COPS7B: variants seen among roughly 807,000 people sequenced by gnomAD.
COPS7B encodes the protein COP9 signalosome subunit 7B.
COPS7B carries 9 observed loss-of-function variants against 33.4 expected under a neutral mutation model. The observed-to-expected ratio is 0.27, with a 90% CI of 0.16 to 0.47. The LOEUF (loss-of-function observed/expected upper bound fraction) is 0.47, where lower values mean the gene tolerates loss of function less well. Ranked by LOEUF, COPS7B falls within the 20% of genes least tolerant of loss-of-function variation. COPS7B has a pLI of 0.99. For synonymous variants in COPS7B, 119 were observed against 126.3 expected (o/e 0.94, Z 0.39); for missense variants, 242 against 318.2 (o/e 0.76, Z 1.82).
intron 3 of COPS7B, among the ~76,000 whole-genome samples, chr2:231,793,324 A>G (rs1574660944): frequency 6.6e-6 from 1 of 152,228 alleles, no homozygotes; most frequent in African/African-American, 2.4e-5. Context: ...TACAGGTTAG[A>G]AATTCCCACC....
At chr2:231,786,351 G>T, upstream of COPS7B, 1 of 769,484 alleles carries the variant, frequency 1.3e-6, no homozygotes, top group Non-Finnish European at 1.6e-6. Context: ...AAACGCGGCG[G>T]GTGGAACCTT....
Position 231,808,790 on chromosome 2 carries a change from T to A in COPS7B, c.*1145T>A. On this transcript the variant is annotated 3_prime_UTR_variant, in exon 7 of 7. Coordinates refer to ENST00000350033, the MANE Select transcript of COPS7B (RefSeq NM_022730.4). ...TTTTCACCTGGTTGGAGGGTGGGGG[T>A]GGGGTGGGGTGTGTGTGTGTGTGTG... 1 of 9,642 alleles carries A rather than the reference T, an allele frequency of 1.0e-4. No homozygotes were observed. The highest frequency in any genetic ancestry group is 2.9e-3 in the East Asian group (1 of 348). The allele number at this position is 9,642 out of a possible 1,614,324, so 0.6% of individuals were successfully genotyped here.
intron 6 of COPS7B, chr2:231,801,073 G>T: frequency 3.8e-6 from 5 of 1,326,398 alleles, no homozygotes; most frequent in Non-Finnish European, 5.3e-6. Context: ...GTTACCCTTG[G>T]CCTAACTTTT....
chr2:231,783,310 G>A, upstream of COPS7B, among the ~76,000 whole-genome samples: 1 of 152,150 alleles, frequency 6.6e-6, no homozygotes, highest in Non-Finnish European at 1.5e-5. Context: ...TAGTGTGTAG[G>A]GAGGGTATGC....
At chr2:231,800,248 A>G (rs1367268253) in intron 6 of COPS7B, among the ~76,000 whole-genome samples, 1 of 152,252 alleles carries the variant, frequency 6.6e-6, no homozygotes, top group Non-Finnish European at 1.5e-5. Context: ...TGGGCAAGGA[A>G]GTGTTAACTA....
At chr2:231,804,643 G>T (rs1046360471) in intron 6 of COPS7B, among the ~76,000 whole-genome samples, 1 of 151,856 alleles carries the variant, frequency 6.6e-6, no homozygotes. Flanking sequence ...AATTTTTTTT[G>T]GTTTTGTTTT....
At chr2:231,806,508 G>A (rs2049897622) in intron 6 of COPS7B, among the ~76,000 whole-genome samples, 4 of 148,294 alleles carry the variant, frequency 2.7e-5, no homozygotes. Flanking sequence ...AGCTGTGATT[G>A]TGCCACTATA....
intron 6 of COPS7B, among the ~76,000 whole-genome samples, chr2:231,806,611 C>T (rs1335566515): frequency 6.6e-6 from 1 of 151,832 alleles, no homozygotes; most frequent in Non-Finnish European, 1.5e-5. Context: ...CACTGTTCTT[C>T]CCTACCACCA....
chr2:231,784,054 G>A (rs2049184223), upstream of COPS7B, among the ~76,000 whole-genome samples: 1 of 151,168 alleles, frequency 6.6e-6, no homozygotes, highest in Non-Finnish European at 1.5e-5. Context: ...AAAAGAGCAA[G>A]CTTGAGCATA....
At chr2:231,805,192 C>G (rs2049855277) in intron 6 of COPS7B, among the ~76,000 whole-genome samples, 1 of 151,902 alleles carries the variant, frequency 6.6e-6, no homozygotes, top group Non-Finnish European at 1.5e-5. Flanking sequence ...AGTCTTAAAA[C>G]AAATAATATT....
upstream of COPS7B, chr2:231,781,719 G>A (rs1559344026): frequency 1.1e-6 from 1 of 892,830 alleles, no homozygotes. Flanking sequence ...ACTCCAGTGT[G>A]CCGCGCAGTG....
At chr2:231,796,415 A>G (rs1447743731) in intron 5 of COPS7B, 107 bp downstream of exon 5, 21 of 941,726 alleles carry the variant, frequency 2.2e-5, no homozygotes, top group Non-Finnish European at 3.3e-5. Flanking sequence ...GCCTGTAGCT[A>G]CCTGGGAGCT....
In COPS7B at chr2:231,788,656, C is replaced by A. The variant is rs2049321179; in HGVS notation, c.86C>A (p.Ala29Asp). 6.2e-7 allele frequency: 1 copy of A among 1,614,064 alleles called. No individual in the cohort carries two copies. The highest frequency in any genetic ancestry group is 1.3e-5 in the African/African-American group (1 of 74,924). The change falls in exon 2 of 7, where the codon GCT becomes GAT. Residue 29 changes from alanine (A) to aspartate (D), a missense_variant. Ala to Asp is a moderately radical substitution (Grantham distance 126). Coordinates refer to ENST00000350033, the MANE Select transcript of COPS7B (RefSeq NM_022730.4). ...GGTACCAGTGGCTCAGCCCTCACTG[C>A]TCTCATAAGCCAGGTCTTAGAGGCT... is the stretch of plus-strand genomic sequence containing the variant. ...AKGTSGSALTALISQVLEAPG... is the reference protein window; with the variant it reads ...AKGTSGSALTDLISQVLEAPG...
chr2:231,797,257 C>T (rs1386657526), intron 5 of COPS7B, among the ~76,000 whole-genome samples: 1 of 152,148 alleles, frequency 6.6e-6, no homozygotes, highest in Non-Finnish European at 1.5e-5. Context: ...CTGATGTCCC[C>T]TGAGTTTCCC....
intron 4 of COPS7B, 36 bp downstream of exon 4, chr2:231,794,387 C>A (rs746965341): frequency 6.5e-7 from 1 of 1,547,458 alleles, no homozygotes; most frequent in Non-Finnish European, 8.9e-7. Flanking sequence ...TTCCTCCTTA[C>A]CCCAAGTCAG....
chr2:231,794,279 G>A lies in COPS7B; in HGVS notation c.255G>A (p.Leu85=). The A allele has an allele frequency of 6.2e-7, 1 of 1,614,046 alleles. No homozygotes were observed. Among genetic ancestry groups the A allele is most frequent in the Non-Finnish European group, 8.5e-7 (1 of 1,179,966 alleles). Reference sequence around the variant, plus strand: ...ACTGAGCAGCCAACAAGGAGAGCCTGCCAGAACTGAGCACAGCTCAGCAGA... The same window carrying A: ...ACTGAGCAGCCAACAAGGAGAGCCTACCAGAACTGAGCACAGCTCAGCAGA... ...YPDYIANKES[L]PELSTAQQNK... The change falls in exon 4 of 7, where the codon CTG becomes CTA. Residue 85 remains leucine, a synonymous_variant. Transcript: ENST00000350033.
chr2:231,799,441 T>C (rs2049678383), intron 6 of COPS7B, among the ~76,000 whole-genome samples: 2 of 152,178 alleles, frequency 1.3e-5, no homozygotes, highest in African/African-American at 2.4e-5. Flanking sequence ...ACTGTACATA[T>C]ATATTATAAA....
chr2:231,795,855 C>G (rs2049551902), intron 4 of COPS7B, among the ~76,000 whole-genome samples: 1 of 152,168 alleles, frequency 6.6e-6, no homozygotes. Context: ...TACAAGTATG[C>G]TGCAGCATGT....
intron 4 of COPS7B, among the ~76,000 whole-genome samples, chr2:231,794,941 A>T (rs2049523876): frequency 6.9e-6 from 1 of 144,236 alleles, no homozygotes; most frequent in Non-Finnish European, 1.5e-5. Flanking sequence ...TTTTTTTGAG[A>T]CAGAGTGTTG....
Sources: allele counts gnomAD v4.1 joint callset (sites outside exome capture counted in the v4.1 genomes callset), GRCh38; gene constraint gnomAD v4.1.1; transcripts MANE v1.5; gene names NCBI Gene and HGNC (gene_info 2026-07-23, HGNC 2026-07-21).